HNF4G: variants seen among roughly 807,000 people sequenced by gnomAD.
HNF4G encodes hepatocyte nuclear factor 4-gamma.
Under a neutral mutation model 50.9 loss-of-function variants are expected in HNF4G, and 21 were observed. The observed-to-expected ratio is 0.41, with a 90% CI of 0.29 to 0.59. HNF4G has a LOEUF of 0.59. HNF4G is among the 20% of genes least tolerant of loss of function. The probability of loss-of-function intolerance (pLI) is 0.26; values close to 1 mark genes in which losing one functional copy is unlikely to be tolerated. For synonymous variants in HNF4G, 198 were observed against 185.6 expected (o/e 1.07, Z -0.54); for missense variants, 527 against 559.4 (o/e 0.94, Z 0.58).
intron 1 of HNF4G, among the ~76,000 whole-genome samples, chr8:75,439,558 T>C (rs184245469): frequency 1.1e-4 from 17 of 152,168 alleles, no homozygotes; most frequent in Non-Finnish European, 2.2e-4. Flanking sequence ...TATTACATTT[T>C]TTCTTAGAAA....
At chr8:75,434,945 C>T (rs138015236) in intron 1 of HNF4G, among the ~76,000 whole-genome samples, 8 of 152,202 alleles carry the variant, frequency 5.3e-5, no homozygotes, top group South Asian at 2.1e-4. Context: ...AAAGAACATA[C>T]GAATCTGAAT....
intron 1 of HNF4G, chr8:75,489,940 AT>A (rs1170311762): frequency 4.6e-5 from 7 of 152,140 alleles, no homozygotes; most frequent in African/African-American, 1.7e-4. Context: ...CCAAAATCAC[AT>A]TGTTATTATG....
chr8:75,467,858 C>T (rs1382061189), intron 1 of HNF4G, among the ~76,000 whole-genome samples: 3 of 151,950 alleles, frequency 2.0e-5, no homozygotes, highest in African/African-American at 7.2e-5. Context: ...CTAATCTGGA[C>T]CATGGAAACT....
chr8:75,472,196 G>A (rs1812129974), intron 1 of HNF4G, among the ~76,000 whole-genome samples: 1 of 152,022 alleles, frequency 6.6e-6, no homozygotes, highest in Non-Finnish European at 1.5e-5. Flanking sequence ...TCAACTTTGT[G>A]TGACAGAAAA....
chr8:75,509,666 G>A (rs1255828294), intron 2 of HNF4G, among the ~76,000 whole-genome samples: 1 of 152,186 alleles, frequency 6.6e-6, no homozygotes, highest in Admixed American at 6.5e-5. Context: ...TTGGTCAACA[G>A]TGGACCACAT....
At chr8:75,547,786 C>A in intron 3 of HNF4G, 105 bp downstream of exon 3, 2 of 737,620 alleles carry the variant, frequency 2.7e-6, no homozygotes, top group Non-Finnish European at 4.6e-6. Context: ...TCTAATTTTC[C>A]TCAATATAAT....
At chr8:75,529,999 G>T (rs911019841) in intron 2 of HNF4G, among the ~76,000 whole-genome samples, 1 of 152,154 alleles carries the variant, frequency 6.6e-6, no homozygotes, top group Non-Finnish European at 1.5e-5. Flanking sequence ...AGAACAGAGT[G>T]CGTGTGCAGA....
At chr8:75,464,054 G>A (rs138483834) in intron 1 of HNF4G, among the ~76,000 whole-genome samples, 9,654 of 152,114 alleles carry the variant, frequency 0.063, 343 homozygotes, top group Non-Finnish European at 0.066. Flanking sequence ...GATTACAGGT[G>A]TGAGCCACCG....
intron 1 of HNF4G, among the ~76,000 whole-genome samples, chr8:75,478,945 C>T (rs1812307725): frequency 6.6e-6 from 1 of 152,176 alleles, no homozygotes; most frequent in Non-Finnish European, 1.5e-5. Flanking sequence ...TGGTCTCGAA[C>T]TCCCGACCTC....
At chr8:75,544,647 TG>T (rs1361453514) in intron 2 of HNF4G, among the ~76,000 whole-genome samples, 3 of 95,044 alleles carry the variant, frequency 3.2e-5, no homozygotes, top group East Asian at 2.4e-4. Context: ...GCTGTTTTCT[TG>T]GGTTTTTTTT....
intron 1 of HNF4G, among the ~76,000 whole-genome samples, chr8:75,434,010 T>TG: frequency 6.7e-6 from 1 of 149,098 alleles, no homozygotes; most frequent in Non-Finnish European, 1.5e-5. Context: ...TTCTTTTTTT[T>TG]TTTTTTTTTT....
chr8:75,531,127 G>A (rs372816250), intron 2 of HNF4G, among the ~76,000 whole-genome samples: 5 of 151,954 alleles, frequency 3.3e-5, no homozygotes, highest in East Asian at 3.9e-4. Context: ...TTAGTTAATC[G>A]TTACAAGAAC....
rs1008815799 is a variant in HNF4G, at chr8:75,566,389, A to T, written c.*2293A>T. 1 of 152,490 alleles carries T rather than the reference A, an allele frequency of 6.6e-6. No individual in the cohort carries two copies. Among genetic ancestry groups the T allele is most frequent in the Non-Finnish European group, 1.5e-5 (1 of 68,038 alleles). 9.4% of individuals were successfully genotyped at this position (152,490 alleles called of 1,614,324 possible). A position where few individuals can be genotyped will look rare whatever the true frequency, so the allele number is the denominator to read the frequency against. On this transcript the variant is annotated 3_prime_UTR_variant, in exon 10 of 10. Transcript: ENST00000396423. Reference sequence around the variant, plus strand: ...TTCAGAACATAGCAAATACCTTTGAAGTATAAAAGATAAAATTCATTTTTA... The same window carrying T: ...TTCAGAACATAGCAAATACCTTTGATGTATAAAAGATAAAATTCATTTTTA...
intron 1 of HNF4G, among the ~76,000 whole-genome samples, chr8:75,463,217 A>AT (rs1811894282): frequency 6.6e-6 from 1 of 152,024 alleles, no homozygotes; most frequent in South Asian, 2.1e-4. Context: ...TACAACTAGT[A>AT]TTTTTTATGA....
chr8:75,487,379 G>A (rs868334576), intron 1 of HNF4G, among the ~76,000 whole-genome samples: 6 of 152,060 alleles, frequency 3.9e-5, no homozygotes, highest in South Asian at 2.1e-4. Flanking sequence ...GTTTGTACAC[G>A]TAATATCACT....
intron 2 of HNF4G, among the ~76,000 whole-genome samples, chr8:75,510,636 A>G (rs577736055): frequency 3.9e-4 from 59 of 152,308 alleles, no homozygotes; most frequent in African/African-American, 1.3e-3. Flanking sequence ...GTATAGTAAT[A>G]CACTATACAG....
rs1472658335 is a variant in HNF4G, at chr8:75,566,257, T to A, written c.*2161T>A. The A allele has an allele frequency of 6.6e-6, 1 of 152,144 alleles. No homozygotes were observed. Among genetic ancestry groups the A allele is most frequent in the Non-Finnish European group, 1.5e-5 (1 of 68,032 alleles). 9.4% of individuals were successfully genotyped at this position (152,144 alleles called of 1,614,324 possible). On this transcript the variant is annotated 3_prime_UTR_variant, in exon 10 of 10. Coordinates refer to ENST00000396423, the MANE Select transcript of HNF4G (RefSeq NM_004133.5). Reference sequence around the variant, plus strand: ...AGGTAGCTCTCTCGAGTCTCTTTAATAAAGATACTAATTCTCATGACTGAA... The same window carrying A: ...AGGTAGCTCTCTCGAGTCTCTTTAAAAAAGATACTAATTCTCATGACTGAA...
intron 2 of HNF4G, among the ~76,000 whole-genome samples, chr8:75,528,720 A>T (rs1806245797): frequency 6.6e-6 from 1 of 152,212 alleles, no homozygotes; most frequent in Non-Finnish European, 1.5e-5. Flanking sequence ...TGGATTTATG[A>T]AACTGGTTCT....
At chr8:75,529,682 G>T (rs75012598) in intron 2 of HNF4G, among the ~76,000 whole-genome samples, 1 of 151,780 alleles carries the variant, frequency 6.6e-6, no homozygotes, top group Non-Finnish European at 1.5e-5. Context: ...AACAGAAAAG[G>T]GTTCTGTGAG....
Sources: gnomAD v4.1 joint callset for allele counts (sites outside exome capture counted in the v4.1 genomes callset) on GRCh38, gnomAD v4.1.1 for gene constraint, MANE v1.5 for transcripts, NCBI Gene and HGNC (gene_info 2026-07-23, HGNC 2026-07-21) for gene names.